TTC29: variants seen among roughly 807,000 people sequenced by gnomAD.
The protein encoded by TTC29 is tetratricopeptide repeat domain 29.
In TTC29, 49 loss-of-function variants were observed where a neutral mutation model predicts 58.1. The ratio of observed to expected loss-of-function variants is 0.84; its 90% CI spans 0.67 to 1.07. The LOEUF (loss-of-function observed/expected upper bound fraction) is 1.07, where lower values mean the gene tolerates loss of function less well. Ranked by LOEUF, TTC29 falls within the 50% of genes least tolerant of loss-of-function variation. The pLI is 0.00. For synonymous variants in TTC29, 209 were observed against 196.8 expected (o/e 1.06, Z -0.52); for missense variants, 582 against 555.6 (o/e 1.05, Z -0.48).
intron 2 of TTC29, among the ~76,000 whole-genome samples, chr4:146,943,795 GTAAAGAAA>G (rs1431521600): frequency 6.6e-6 from 1 of 152,166 alleles, no homozygotes; most frequent in Non-Finnish European, 1.5e-5. Flanking sequence ...TTAAATACCT[GTAAAGAAA>G]GCCTTTTGGT....
intron 11 of TTC29, among the ~76,000 whole-genome samples, chr4:146,708,681 C>CTAT (rs1051396741): frequency 2.6e-5 from 4 of 151,942 alleles, no homozygotes; most frequent in African/African-American, 9.6e-5. Flanking sequence ...TCCCTTCATT[C>CTAT]TATTTTTTAT....
At chr4:146,727,316 C>T (rs1424652768) in intron 11 of TTC29, among the ~76,000 whole-genome samples, 1 of 152,130 alleles carries the variant, frequency 6.6e-6, no homozygotes, top group Non-Finnish European at 1.5e-5. Flanking sequence ...GAGAGTGGTG[C>T]ATTTCTTATA....
chr4:146,862,240 A>G (rs1338336274), intron 8 of TTC29, among the ~76,000 whole-genome samples: 3 of 148,286 alleles, frequency 2.0e-5, no homozygotes. Context: ...ATATTTATTT[A>G]TATTTTATCA....
intron 3 of TTC29, among the ~76,000 whole-genome samples, chr4:146,938,406 C>A (rs1313798521): frequency 6.6e-6 from 1 of 152,086 alleles, no homozygotes; most frequent in Non-Finnish European, 1.5e-5. Flanking sequence ...AAAATGAATA[C>A]AAGAAAACGT....
chr4:146,942,302 C>T (rs1736477461), intron 2 of TTC29, among the ~76,000 whole-genome samples: 1 of 152,188 alleles, frequency 6.6e-6, no homozygotes, highest in Non-Finnish European at 1.5e-5. Context: ...AGGGTCTATG[C>T]TTTAAAGTGC....
intron 11 of TTC29, among the ~76,000 whole-genome samples, chr4:146,774,349 T>G (rs954469109): frequency 6.6e-6 from 1 of 152,182 alleles, no homozygotes. Flanking sequence ...TTTCTAATTT[T>G]TTGATGTGGG....
At chr4:146,822,882 T>C (rs1017121865) in intron 9 of TTC29, among the ~76,000 whole-genome samples, 2 of 152,232 alleles carry the variant, frequency 1.3e-5, no homozygotes, top group African/African-American at 4.8e-5. Context: ...TTCATGTTTG[T>C]TGGCTGCATA....
At chr4:146,837,729 G>A (rs1422189801) in intron 8 of TTC29, among the ~76,000 whole-genome samples, 1 of 151,834 alleles carries the variant, frequency 6.6e-6, no homozygotes, top group East Asian at 1.9e-4. Context: ...ATAATATGTT[G>A]GAAACAGAGC....
At chr4:146,919,650 ACT>A (rs1734455724) in intron 4 of TTC29, among the ~76,000 whole-genome samples, 1 of 150,884 alleles carries the variant, frequency 6.6e-6, no homozygotes, top group South Asian at 2.1e-4. Context: ...TCACACTGAC[ACT>A]CTGTTTTTTG....
chr4:146,915,148 G>A (rs545687097), intron 4 of TTC29, among the ~76,000 whole-genome samples: 3 of 152,202 alleles, frequency 2.0e-5, no homozygotes, highest in African/African-American at 7.2e-5. Context: ...GTTATTAATA[G>A]TAAATGGCAG....
chr4:146,864,567 C>T (rs562156350), intron 8 of TTC29, among the ~76,000 whole-genome samples: 1 of 152,118 alleles, frequency 6.6e-6, no homozygotes, highest in Non-Finnish European at 1.5e-5. Flanking sequence ...GAAATATATT[C>T]TCTTCTAGCT....
At chr4:146,808,461 C>G (rs1329146075) in intron 10 of TTC29, among the ~76,000 whole-genome samples, 2 of 152,186 alleles carry the variant, frequency 1.3e-5, no homozygotes, top group African/African-American at 2.4e-5. Flanking sequence ...TCTCTGTTTG[C>G]AGATGACATG....
intron 11 of TTC29, among the ~76,000 whole-genome samples, chr4:146,728,815 G>A (rs188930613): frequency 0.25 from 11,663 of 47,574 alleles, 1,632 homozygotes; most frequent in African/African-American, 0.35. Context: ...ACATATATAT[G>A]TGTATATATA....
rs1235402465 is a variant in TTC29, at chr4:146,707,154, T to C, written c.*4A>G. ...CTTGCTTTGATGTTAAGTGAAAAGC[T>C]GCTTTAAGTTTCATTTTTTTGATCA... On this transcript the variant is annotated 3_prime_UTR_variant, in exon 13 of 13. Coordinates refer to ENST00000325106, the MANE Select transcript of TTC29 (RefSeq NM_031956.4). 3 of 1,526,646 alleles carry C rather than the reference T, an allele frequency of 2.0e-6. No individual in the cohort carries two copies. The East Asian group carries it at 7.4e-5, about 38-fold the overall frequency. 94.6% of individuals were successfully genotyped at this position (1,526,646 alleles called of 1,614,324 possible).
intron 4 of TTC29, among the ~76,000 whole-genome samples, chr4:146,924,762 T>A (rs982675534): frequency 2.6e-5 from 4 of 152,048 alleles, no homozygotes; most frequent in South Asian, 4.1e-4. Flanking sequence ...TTGAGTTTAA[T>A]TTGCTTTCTT....
In TTC29 at chr4:146,924,651, C is replaced by T. The variant is rs150624010; in HGVS notation, c.176+12943G>A. On this transcript the variant is annotated intron_variant, in intron 4 of 12. Transcript: ENST00000325106. ...TCTATTTTTTCTCTGATCAGTTTGA[C>T]GAATGGTTGATCAATTTTTTTTCAA... 2.9e-3 allele frequency among the ~76,000 whole-genome samples: 447 copies of T among 151,688 alleles called. 2 individuals are homozygous for T. Among genetic ancestry groups the T allele is most frequent in the Middle Eastern group, 6.8e-3 (2 of 294 alleles).
At chr4:146,717,443 A>G (rs1320268772) in intron 11 of TTC29, among the ~76,000 whole-genome samples, 1 of 151,928 alleles carries the variant, frequency 6.6e-6, no homozygotes, top group Admixed American at 6.6e-5. Context: ...ATGCCCGGCT[A>G]ATTTTTGTAT....
chr4:146,772,563 T>C (rs1747815709), intron 11 of TTC29, among the ~76,000 whole-genome samples: 1 of 152,084 alleles, frequency 6.6e-6, no homozygotes, highest in Non-Finnish European at 1.5e-5. Flanking sequence ...GGGCTCTCTA[T>C]TTTGTTCCAT....
At position 146,812,357 on chromosome 4, in the gene TTC29, G is replaced by T. The variant is rs1262527069; in HGVS notation, c.1101+7768C>A. Among the ~76,000 whole-genome samples, 6 of 152,146 alleles carry T rather than the reference G, an allele frequency of 3.9e-5. No homozygotes were observed. In the East Asian group the frequency reaches 1.2e-3, roughly 29 times the overall value. Reference sequence around the variant, plus strand: ...TAGAGACCACAAATAAGTGGACATAGATATGAATTTCCAGTTATTTTTATA... The same window carrying T: ...TAGAGACCACAAATAAGTGGACATATATATGAATTTCCAGTTATTTTTATA... On this transcript the variant is annotated intron_variant, in intron 10 of 12. Transcript: ENST00000325106.
Sources: allele counts gnomAD v4.1 joint callset (sites outside exome capture counted in the v4.1 genomes callset), GRCh38; gene constraint gnomAD v4.1.1; transcripts MANE v1.5; gene names NCBI Gene and HGNC (gene_info 2026-07-23, HGNC 2026-07-21).